Variants in RHBDD1 observed in about 807,000 individuals in gnomAD.
RHBDD1 encodes the protein rhomboid domain containing 1.
Under a neutral mutation model 36.3 loss-of-function variants are expected in RHBDD1, and 38 were observed. The observed-to-expected ratio is 1.05, with a 90% CI of 0.81 to 1.37. RHBDD1 has a LOEUF of 1.37. Ranked by LOEUF, RHBDD1 falls within the 40% of genes most tolerant of loss-of-function variation. The pLI, the probability that RHBDD1 is intolerant of heterozygous loss-of-function variation, is 0.00. For synonymous variants in RHBDD1, 151 were observed against 136.5 expected (o/e 1.11, Z -0.74); for missense variants, 393 against 377.6 (o/e 1.04, Z -0.34).
intron 3 of RHBDD1, among the ~76,000 whole-genome samples, chr2:226,855,033 G>A (rs1008577839): frequency 3.9e-5 from 6 of 152,220 alleles, no homozygotes; most frequent in African/African-American, 1.4e-4. Context: ...CAACTCCTCA[G>A]AGGTTACATA....
chr2:226,938,093 C>T (rs1371795933), intron 8 of RHBDD1, among the ~76,000 whole-genome samples: 1 of 152,076 alleles, frequency 6.6e-6, no homozygotes, highest in African/African-American at 2.4e-5. Flanking sequence ...TCCACAATCT[C>T]GCCGGCAGCT....
At chr2:226,974,684 T>C (rs1488609172) in intron 8 of RHBDD1, among the ~76,000 whole-genome samples, 1 of 152,126 alleles carries the variant, frequency 6.6e-6, no homozygotes, top group African/African-American at 2.4e-5. Flanking sequence ...CCTGTGGAAG[T>C]GATTTGTATA....
the RHBDD1 span, among the ~76,000 whole-genome samples, chr2:226,806,327 C>T: frequency 1.3e-5 from 2 of 151,748 alleles, no homozygotes; most frequent in African/African-American, 4.8e-5. Context: ...CAAATCAAAG[C>T]TTCCTGTGTC....
At chr2:226,946,774 C>T (rs972176235) in intron 8 of RHBDD1, among the ~76,000 whole-genome samples, 1 of 151,934 alleles carries the variant, frequency 6.6e-6, no homozygotes, top group Non-Finnish European at 1.5e-5. Context: ...AGGAATATAC[C>T]CTCCCAAGAC....
intron 8 of RHBDD1, among the ~76,000 whole-genome samples, chr2:226,952,526 G>C (rs1441174739): frequency 2.0e-5 from 3 of 152,090 alleles, no homozygotes; most frequent in Admixed American, 6.6e-5. Flanking sequence ...TCAAACTCCT[G>C]GCCTCATGTG....
chr2:226,805,499 C>T, the RHBDD1 span, among the ~76,000 whole-genome samples: 1 of 152,214 alleles, frequency 6.6e-6, no homozygotes, highest in Non-Finnish European at 1.5e-5. Context: ...AGGCGTGTGC[C>T]ACCACACCCA....
At chr2:226,881,107 T>A (rs1945688983) in intron 5 of RHBDD1, among the ~76,000 whole-genome samples, 1 of 151,974 alleles carries the variant, frequency 6.6e-6, no homozygotes, top group South Asian at 2.1e-4. Context: ...GAAGGAGAAG[T>A]GCCAAGAGAA....
chr2:226,914,736 C>T (rs1948776934), intron 8 of RHBDD1: 1 of 154,326 alleles, frequency 6.5e-6, no homozygotes, highest in African/African-American at 2.4e-5. Flanking sequence ...AAACCTCCGA[C>T]AAATCTCCCT....
At chr2:226,971,346 C>T (rs1481541674) in intron 8 of RHBDD1, among the ~76,000 whole-genome samples, 2 of 152,182 alleles carry the variant, frequency 1.3e-5, no homozygotes, top group Non-Finnish European at 2.9e-5. Flanking sequence ...AGTCTGGTGT[C>T]GAAGGACGTC....
intron 1 of RHBDD1, 102 bp from the exon 2 acceptor site, chr2:226,837,971 G>C (rs887887679): frequency 6.6e-6 from 1 of 152,172 alleles, no homozygotes; most frequent in African/African-American, 2.4e-5. Context: ...AAGATCTCAT[G>C]TCTACTCTAG....
chr2:226,887,498 C>T (rs964919256), intron 5 of RHBDD1, among the ~76,000 whole-genome samples: 5 of 152,330 alleles, frequency 3.3e-5, no homozygotes, highest in African/African-American at 9.6e-5. Context: ...AAATTCACTG[C>T]GTGATATATA....
chr2:226,977,952 T>G (rs958042382), intron 8 of RHBDD1, among the ~76,000 whole-genome samples: 2 of 152,268 alleles, frequency 1.3e-5, no homozygotes, highest in Non-Finnish European at 2.9e-5. Context: ...AGAGGCTGTT[T>G]GGGCATGTTT....
At chr2:226,815,946 T>C in the RHBDD1 span, among the ~76,000 whole-genome samples, 1 of 152,358 alleles carries the variant, frequency 6.6e-6, no homozygotes, top group East Asian at 1.9e-4. Context: ...ACAGAATCTA[T>C]TTATTGCTTT....
chr2:226,945,335 G>C (rs866682671), intron 8 of RHBDD1, among the ~76,000 whole-genome samples: 9 of 151,894 alleles, frequency 5.9e-5, no homozygotes, highest in South Asian at 2.1e-4. Flanking sequence ...ACAGGCCCGG[G>C]TGTGTGATGT....
chr2:226,988,373 C>T, intron 8 of RHBDD1: 1 of 1,550,282 alleles, frequency 6.5e-7, no homozygotes, highest in South Asian at 1.2e-5. Context: ...TCTCCTGGAC[C>T]CCAAGATAAA....
At chr2:226,872,568 C>T (rs1312770241) in intron 5 of RHBDD1, among the ~76,000 whole-genome samples, 4 of 152,122 alleles carry the variant, frequency 2.6e-5, no homozygotes, top group East Asian at 1.9e-4. Flanking sequence ...TACAGGCAAG[C>T]TGTAAAATTT....
intron 8 of RHBDD1, among the ~76,000 whole-genome samples, chr2:226,977,100 A>G (rs961596976): frequency 6.6e-6 from 1 of 152,164 alleles, no homozygotes; most frequent in African/African-American, 2.4e-5. Flanking sequence ...TCATGGAAAA[A>G]GGGATCTTTT....
intron 8 of RHBDD1, among the ~76,000 whole-genome samples, chr2:226,979,142 C>T (rs1032151250): frequency 4.6e-5 from 7 of 152,104 alleles, no homozygotes; most frequent in Admixed American, 6.5e-5. Context: ...GCAGCGCAGC[C>T]GTCAGTCTGA....
chr2:226,804,764 C>T, the RHBDD1 span: 1 of 152,224 alleles, frequency 6.6e-6, no homozygotes, highest in African/African-American at 2.4e-5. Context: ...GAGGTGAAAA[C>T]TCCATGCCAC....
Sources: gnomAD v4.1 joint callset for allele counts (sites outside exome capture counted in the v4.1 genomes callset) on GRCh38, gnomAD v4.1.1 for gene constraint, MANE v1.5 for transcripts, NCBI Gene and HGNC (gene_info 2026-07-23, HGNC 2026-07-21) for gene names.